CAND1: variants seen among roughly 807,000 people sequenced by gnomAD.
The protein encoded by CAND1 is cullin-associated NEDD8-dissociated protein 1.
In CAND1, 7 loss-of-function variants were observed where a neutral mutation model predicts 108.5. That is an observed-to-expected ratio of 0.06 (90% CI 0.04 to 0.12). The LOEUF (loss-of-function observed/expected upper bound fraction) is 0.12. Among genes scored for constraint, CAND1 ranks in the 10% least tolerant of loss-of-function variants. The pLI, the probability that CAND1 is intolerant of heterozygous loss-of-function variation, is 1.00. For synonymous variants in CAND1, 534 were observed against 512.0 expected (o/e 1.04, Z -0.58); for missense variants, 941 against 1,448.7 (o/e 0.65, Z 5.69).
intron 3 of CAND1, among the ~76,000 whole-genome samples, chr12:67,293,898 T>C (rs950843143): frequency 6.6e-6 from 1 of 152,224 alleles, no homozygotes; most frequent in African/African-American, 2.4e-5. Flanking sequence ...ATGGGAGGTC[T>C]TACTGTTCCT....
intron 9 of CAND1, 22 bp downstream of exon 9, chr12:67,304,768 CTT>C: frequency 2.5e-6 from 4 of 1,608,128 alleles, no homozygotes; most frequent in Non-Finnish European, 3.4e-6. Flanking sequence ...ACATAAATCT[CTT>C]TTGGGACTTA....
intron 11 of CAND1, 102 bp downstream of exon 11, chr12:67,307,594 T>C (rs3736630): frequency 0.099 from 71,767 of 727,894 alleles, 8,819 homozygotes; most frequent in African/African-American, 0.5. Context: ...AAAATGCTTA[T>C]AAAATAATTG....
intron 1 of CAND1, among the ~76,000 whole-genome samples, chr12:67,281,509 C>T (rs191482679): frequency 2.0e-5 from 3 of 152,200 alleles, no homozygotes; most frequent in Admixed American, 1.3e-4. Flanking sequence ...GAATTCAAAT[C>T]TCATGTAAAG....
In CAND1 at chr12:67,293,034, A is replaced by G. The variant is rs907430727; in HGVS notation, c.367+258A>G. On this transcript the variant is annotated intron_variant, in intron 3 of 14. Transcript: ENST00000545606. ...TTTTTATATGTTGGAGCAAGATTTT[A>G]TACTGTGTGTACCATGACTGCAGAC... 3.2e-5 allele frequency: 13 copies of G among 401,788 alleles called. No homozygotes were observed. The Admixed American group carries it at 3.9e-4, about 12-fold the overall frequency. The allele number at this position is 401,788 out of a possible 1,614,324, so 24.9% of individuals were successfully genotyped here. A position where few individuals can be genotyped will look rare whatever the true frequency, so the allele number is the denominator to read the frequency against.
At chr12:67,302,029 T>G (rs180888794) in intron 7 of CAND1, among the ~76,000 whole-genome samples, 7 of 152,340 alleles carry the variant, frequency 4.6e-5, no homozygotes, top group African/African-American at 1.7e-4. Context: ...ATGTGTTAAT[T>G]GATGATTTTA....
chr12:67,295,539 T>G (rs1390700871), intron 4 of CAND1, among the ~76,000 whole-genome samples: 5 of 152,340 alleles, frequency 3.3e-5, no homozygotes, highest in South Asian at 4.1e-4. Flanking sequence ...GGTAACCATA[T>G]TAATAGTGCA....
chr12:67,279,956 T>G (rs1318039096), intron 1 of CAND1, among the ~76,000 whole-genome samples: 1 of 152,234 alleles, frequency 6.6e-6, no homozygotes, highest in Non-Finnish European at 1.5e-5. Context: ...GTTAAGATTT[T>G]TTCAGTACTT....
intron 2 of CAND1, among the ~76,000 whole-genome samples, chr12:67,285,562 T>C (rs1382999681): frequency 6.6e-6 from 1 of 152,108 alleles, no homozygotes; most frequent in Non-Finnish European, 1.5e-5. Flanking sequence ...AGTGAGGTAG[T>C]GGGGCATTCA....
At chr12:67,292,911 T>C in intron 3 of CAND1, 135 bp downstream of exon 3, 1 of 731,724 alleles carries the variant, frequency 1.4e-6, no homozygotes, top group Non-Finnish European at 2.3e-6. Context: ...CTTTGGACAA[T>C]TAAGAAAATT....
chr12:67,282,894 A>G (rs1466827776), intron 2 of CAND1, among the ~76,000 whole-genome samples: 1 of 152,172 alleles, frequency 6.6e-6, no homozygotes, highest in East Asian at 1.9e-4. Context: ...GCTTCTTGCT[A>G]TGCATGATGT....
intron 8 of CAND1, among the ~76,000 whole-genome samples, chr12:67,303,615 A>G (rs1042988688): frequency 1.3e-5 from 2 of 151,728 alleles, no homozygotes; most frequent in Admixed American, 1.3e-4. Flanking sequence ...GGTTGTTGGG[A>G]TTTTTCTTGG....
intron 2 of CAND1, among the ~76,000 whole-genome samples, chr12:67,285,305 C>A (rs2044659880): frequency 6.6e-6 from 1 of 152,166 alleles, no homozygotes; most frequent in Non-Finnish European, 1.5e-5. Context: ...AGAGATATTT[C>A]ATGTCCTTGG....
rs889356839 is a variant in CAND1 at position 67,317,919 on chromosome 12, T to C, written c.*5089T>C. On this transcript the variant is annotated 3_prime_UTR_variant, in exon 15 of 15. Coordinates refer to ENST00000545606, the MANE Select transcript of CAND1 (RefSeq NM_018448.5). ...TGAAGTCATCATCTTGCCCTGGTTT[T>C]TCCTGTCTCTTTGCTGATGGCATCC... 6.6e-6 allele frequency: 1 copy of C among 152,300 alleles called. No individual in the cohort carries two copies. The highest frequency in any genetic ancestry group is 1.5e-5 in the Non-Finnish European group (1 of 68,098). 9.4% of individuals were successfully genotyped at this position (152,300 alleles called of 1,614,324 possible). A position where few individuals can be genotyped will look rare whatever the true frequency, so the allele number is the denominator to read the frequency against.
intron 2 of CAND1, among the ~76,000 whole-genome samples, chr12:67,289,164 G>C (rs1306228246): frequency 1.3e-5 from 2 of 151,746 alleles, no homozygotes; most frequent in Non-Finnish European, 2.9e-5. Flanking sequence ...TATAATTTCT[G>C]CCCTTTATTT....
At chr12:67,303,609 G>A (rs572330386) in intron 8 of CAND1, among the ~76,000 whole-genome samples, 34 of 152,240 alleles carry the variant, frequency 2.2e-4, no homozygotes, top group Non-Finnish European at 4.3e-4. Flanking sequence ...TAGTTTGGTT[G>A]TTGGGATTTT....
chr12:67,306,832 AACT>A (rs1435094532), intron 10 of CAND1, among the ~76,000 whole-genome samples: 1 of 152,192 alleles, frequency 6.6e-6, no homozygotes, highest in Non-Finnish European at 1.5e-5. Flanking sequence ...TCCTCATGAT[AACT>A]ACATTTTAAT....
chr12:67,305,389 A>G lies in CAND1; in HGVS notation c.1721A>G (p.Lys574Arg). 1.2e-6 allele frequency: 2 copies of G among 1,614,120 alleles called. No individual in the cohort carries two copies. The highest frequency in any genetic ancestry group is 1.7e-6 in the Non-Finnish European group (2 of 1,180,028). Residue 574 changes from lysine to arginine, a missense_variant, in exon 10 of 15, where the codon AAG (lysine) becomes AGG (arginine). By Grantham distance (26) the Lys-to-Arg change is conservative (BLOSUM62 2). Around this residue, in one of 9 missense-constraint regions of CAND1, gnomAD observed 697 missense variants for 942.0 expected, o/e 0.74. Coordinates refer to ENST00000545606, the MANE Select transcript of CAND1 (RefSeq NM_018448.5). This position sits in a 1 kb window ranked among gnomAD's most constrained non-coding sequence, Gnocchi z 4.4. ...YIKDLFTCTI[K>R]RLKAADIDQE... ...AAAGATCTATTTACCTGTACCATTA[A>G]GAGATTAAAAGCAGCTGACATTGAT...
intron 2 of CAND1, among the ~76,000 whole-genome samples, chr12:67,291,389 T>TA (rs1466064058): frequency 2.6e-5 from 4 of 152,174 alleles, no homozygotes; most frequent in African/African-American, 4.8e-5. Context: ...GCAGTGGAAA[T>TA]TCTTTTGGTT....
chr12:67,300,517 C>G (rs2044814648), intron 7 of CAND1, among the ~76,000 whole-genome samples: 2 of 152,106 alleles, frequency 1.3e-5, no homozygotes, highest in Non-Finnish European at 2.9e-5. Context: ...AATGGTACCT[C>G]TATTCTTCTT....
Sources: allele counts gnomAD v4.1 joint callset (sites outside exome capture counted in the v4.1 genomes callset), GRCh38; gene constraint gnomAD v4.1.1; regional missense constraint gnomAD v4.1.1; non-coding constraint Gnocchi (gnomAD v3.1); transcripts MANE v1.5; gene names NCBI Gene and HGNC (gene_info 2026-07-23, HGNC 2026-07-21).